Variants in LOC128706665 observed in about 807,000 individuals in gnomAD.
the LOC128706665 span, among the ~76,000 whole-genome samples, chr20:10,422,350 C>CT: frequency 2.6e-5 from 4 of 152,062 alleles, no homozygotes; most frequent in Non-Finnish European, 5.9e-5. Context: ...GAGAATACAC[C>CT]TTTTATTGAC....
At chr20:10,421,739 G>C in the LOC128706665 span, among the ~76,000 whole-genome samples, 5 of 151,926 alleles carry the variant, frequency 3.3e-5, no homozygotes, top group Non-Finnish European at 5.9e-5. Flanking sequence ...ACTGGGGCTA[G>C]ACAGTTGCCT....
chr20:10,417,224 T>C, the LOC128706665 span, among the ~76,000 whole-genome samples: 1 of 138,236 alleles, frequency 7.2e-6, no homozygotes, highest in Non-Finnish European at 1.5e-5. Flanking sequence ...GCAGCCTGGG[T>C]GACAGAGTGA....
the LOC128706665 span, among the ~76,000 whole-genome samples, chr20:10,419,154 C>T: frequency 6.6e-6 from 1 of 152,030 alleles, no homozygotes; most frequent in African/African-American, 2.4e-5. Context: ...GGTTCTTCTT[C>T]CATAAAGAGC....
At chr20:10,432,283 C>T in the LOC128706665 span, among the ~76,000 whole-genome samples, 3 of 152,234 alleles carry the variant, frequency 2.0e-5, no homozygotes, top group East Asian at 1.9e-4. Flanking sequence ...CCCAATCCTG[C>T]TTCCTTTCTT....
At chr20:10,429,782 C>T in the LOC128706665 span, among the ~76,000 whole-genome samples, 3 of 152,174 alleles carry the variant, frequency 2.0e-5, no homozygotes, top group African/African-American at 7.2e-5. Context: ...CTCCTTGCTT[C>T]AATTCCAGTA....
At chr20:10,421,834 C>T in the LOC128706665 span, among the ~76,000 whole-genome samples, 1 of 151,666 alleles carries the variant, frequency 6.6e-6, no homozygotes, top group Non-Finnish European at 1.5e-5. Context: ...CAGAAAGATG[C>T]TATGTTTGAT....
chr20:10,419,695 C>A, the LOC128706665 span, among the ~76,000 whole-genome samples: 1 of 152,170 alleles, frequency 6.6e-6, no homozygotes, highest in Admixed American at 6.6e-5. Flanking sequence ...GGAGATACCA[C>A]CACAGTTGAT....
the LOC128706665 span, among the ~76,000 whole-genome samples, chr20:10,429,672 A>G: frequency 0.48 from 72,863 of 151,958 alleles, 18,331 homozygotes; most frequent in Non-Finnish European, 0.56. Context: ...CATGCTCCTC[A>G]TCAACTCACT....
the LOC128706665 span, among the ~76,000 whole-genome samples, chr20:10,427,262 C>T: frequency 2.0e-5 from 3 of 152,134 alleles, no homozygotes; most frequent in East Asian, 1.9e-4. Context: ...CAAATGTTCT[C>T]ATTTTGCCTA....
the LOC128706665 span, among the ~76,000 whole-genome samples, chr20:10,415,847 T>C: frequency 2.0e-5 from 3 of 152,134 alleles, no homozygotes; most frequent in East Asian, 3.8e-4. Flanking sequence ...ACATATCTTT[T>C]GGCTAGTATT....
chr20:10,415,386 A>G, the LOC128706665 span, among the ~76,000 whole-genome samples: 13 of 152,202 alleles, frequency 8.5e-5, no homozygotes, highest in Admixed American at 4.6e-4. Context: ...AGGTGGGCAG[A>G]ACAAGGGAAT....
At chr20:10,424,264 GA>G in the LOC128706665 span, among the ~76,000 whole-genome samples, 6 of 149,244 alleles carry the variant, frequency 4.0e-5, no homozygotes, top group South Asian at 4.2e-4. Context: ...AAATAAAAAG[GA>G]AAAAAAAAGG....
chr20:10,417,106 T>A, the LOC128706665 span, among the ~76,000 whole-genome samples: 1 of 151,844 alleles, frequency 6.6e-6, no homozygotes. Context: ...AAAAAACTAG[T>A]CAGGTGTGGT....
At chr20:10,429,995 C>G in the LOC128706665 span, among the ~76,000 whole-genome samples, 1 of 152,080 alleles carries the variant, frequency 6.6e-6, no homozygotes, top group African/African-American at 2.4e-5. Context: ...TCCACTAATC[C>G]ATTCTCTACA....
the LOC128706665 span, among the ~76,000 whole-genome samples, chr20:10,433,639 T>C: frequency 6.6e-6 from 1 of 152,108 alleles, no homozygotes; most frequent in Non-Finnish European, 1.5e-5. Flanking sequence ...CGCGGCTGCT[T>C]TCACGTAGCT....
chr20:10,417,977 C>T, the LOC128706665 span, among the ~76,000 whole-genome samples: 2 of 152,160 alleles, frequency 1.3e-5, no homozygotes, highest in East Asian at 1.9e-4. Flanking sequence ...AAATGCAATA[C>T]GTAGACCTTG....
At chr20:10,419,030 C>T in the LOC128706665 span, among the ~76,000 whole-genome samples, 1 of 152,104 alleles carries the variant, frequency 6.6e-6, no homozygotes, top group African/African-American at 2.4e-5. Context: ...TCTTCCACTT[C>T]TGCTTATGAA....
At chr20:10,413,777 TAC>T in the LOC128706665 span, 9 of 585,296 alleles carry the variant, frequency 1.5e-5, no homozygotes, top group Non-Finnish European at 2.4e-5. Flanking sequence ...ACTGAAATTT[TAC>T]AGACTGCTTT....
At chr20:10,434,147 C>T in the LOC128706665 span, 1 of 152,814 alleles carries the variant, frequency 6.5e-6, no homozygotes. Context: ...CCGCCACCGC[C>T]AGAGGCCCCA....
Sources: allele counts gnomAD v4.1 joint callset (sites outside exome capture counted in the v4.1 genomes callset), GRCh38; gene constraint gnomAD v4.1.1; transcripts MANE v1.5.